DIP2B: variants seen among roughly 807,000 people sequenced by gnomAD.
DIP2B encodes the protein disco-interacting protein 2 homolog B.
A neutral mutation model predicts 198.0 loss-of-function variants in DIP2B; 76 were observed. That is an observed-to-expected ratio of 0.38 (90% CI 0.32 to 0.46). DIP2B has a LOEUF of 0.46. DIP2B is among the 20% of genes least tolerant of loss of function. The probability of loss-of-function intolerance (pLI) is 0.99; values close to 1 mark genes in which losing one functional copy is unlikely to be tolerated. For synonymous variants in DIP2B, 701 were observed against 739.1 expected, an observed-to-expected ratio of 0.95 and a Z score of 0.84; for missense variants, 1,559 against 1,978.4, an observed-to-expected ratio of 0.79 and a Z score of 4.02.
chr12:50,601,792 T>A (rs1311656400), intron 1 of DIP2B, among the ~76,000 whole-genome samples: 1 of 152,252 alleles, frequency 6.6e-6, no homozygotes, highest in East Asian at 1.9e-4. Flanking sequence ...GGCTTTGTAT[T>A]TAACCTGTTG....
chr12:50,551,867 A>G (rs947078444), intron 1 of DIP2B, among the ~76,000 whole-genome samples: 7 of 152,232 alleles, frequency 4.6e-5, no homozygotes, highest in African/African-American at 1.2e-4. Context: ...TAGTACTACT[A>G]TAAATGTGGG....
At position 50,672,216 on chromosome 12, in the gene DIP2B, TA is replaced by T. The variant is rs1231112263; in HGVS notation, c.640+825del. 2.0e-5 allele frequency among the ~76,000 whole-genome samples: 3 copies of T among 152,136 alleles called. No individual in the cohort carries two copies. In the East Asian group the frequency reaches 5.8e-4, roughly 29 times the overall value. ...TATCTTTATTCTGTTAACTGATTTCTAAAAAAAGAAAAACTTGGAAAAATTT... is the reference window on the plus strand; with the variant it reads ...TATCTTTATTCTGTTAACTGATTTCTAAAAAAGAAAAACTTGGAAAAATTT... On this transcript the variant is annotated intron_variant, in intron 5 of 37. Transcript: ENST00000301180.
intron 26 of DIP2B, among the ~76,000 whole-genome samples, 196 bp from the exon 27 acceptor site, chr12:50,723,003 ATTG>A (rs1411423989): frequency 6.6e-6 from 1 of 151,792 alleles, no homozygotes; most frequent in Admixed American, 6.6e-5. Flanking sequence ...TTTTTTGTTA[ATTG>A]TTTTCTCTAT....
intron 23 of DIP2B, among the ~76,000 whole-genome samples, chr12:50,716,958 C>CTTTCTTTTT (rs1939731976): frequency 1.7e-5 from 1 of 58,924 alleles, no homozygotes; most frequent in African/African-American, 6.2e-5. Context: ...CGAATTGTTG[C>CTTTCTTTTT]TTTTTTTTTT....
intron 1 of DIP2B, among the ~76,000 whole-genome samples, chr12:50,572,244 C>A (rs1958621157): frequency 6.6e-6 from 1 of 152,056 alleles, no homozygotes; most frequent in Non-Finnish European, 1.5e-5. Flanking sequence ...AAATATTATC[C>A]CCAGACTAAG....
chr12:50,709,858 G>T (rs1158963214), intron 22 of DIP2B, among the ~76,000 whole-genome samples: 1 of 152,048 alleles, frequency 6.6e-6, no homozygotes, highest in Non-Finnish European at 1.5e-5. Context: ...GGCACCAGTA[G>T]CCCCAGCTAC....
chr12:50,511,546 G>GTC (rs1958017075), intron 1 of DIP2B, among the ~76,000 whole-genome samples: 1 of 150,022 alleles, frequency 6.7e-6, no homozygotes, highest in South Asian at 2.1e-4. Flanking sequence ...ACCTGCCTTG[G>GTC]TCTCCCAAAG....
Position 50,724,967 on chromosome 12 carries a change from T to C in DIP2B, c.3400+81T>C, listed in dbSNP as rs1204623854. The C allele has an allele frequency of 1.4e-5, 19 of 1,385,126 alleles. No individual in the cohort carries two copies. The African/African-American group carries it at 2.3e-4, about 17-fold the overall frequency. The allele number at this position is 1,385,126 out of a possible 1,614,324, so 85.8% of individuals were successfully genotyped here. A position where few individuals can be genotyped will look rare whatever the true frequency, so the allele number is the denominator to read the frequency against. ...ATCTCCTCCATTCTCATGCCAGACG[T>C]GTTTACCCTGCCTTTATGTCTTCTG... On this transcript the variant is annotated intron_variant, in intron 28 of 37. Transcript: ENST00000301180.
intron 1 of DIP2B, among the ~76,000 whole-genome samples, chr12:50,550,481 A>G (rs1380183766): frequency 6.6e-6 from 1 of 152,238 alleles, no homozygotes; most frequent in Non-Finnish European, 1.5e-5. Flanking sequence ...TAATAGCTCT[A>G]TAAAAGTTTT....
chr12:50,660,217 G>A lies in DIP2B; in HGVS notation c.325G>A (p.Ala109Thr). The A allele has an allele frequency of 6.2e-7, 1 of 1,612,024 alleles. No individual in the cohort carries two copies. Among genetic ancestry groups the A allele is most frequent in the Non-Finnish European group, 8.5e-7 (1 of 1,179,170 alleles). ...RSDIHTEAVQ[A>T]ALAKHKEQKM... is the part of the protein sequence containing the mutation. ...AGATATCCACACAGAAGCAGTTCAGGCTGCACTGGCAAAGCATAAAGAACA... is the reference window on the plus strand; with the variant it reads ...AGATATCCACACAGAAGCAGTTCAGACTGCACTGGCAAAGCATAAAGAACA... Residue 109 changes from alanine to threonine, a missense_variant, in exon 4 of 38, where the codon GCT becomes ACT. Physicochemically the swap from Ala to Thr is moderately conservative, Grantham distance 58. Transcript: ENST00000301180.
intron 1 of DIP2B, among the ~76,000 whole-genome samples, chr12:50,617,225 G>A (rs903556667): frequency 2.7e-5 from 4 of 150,542 alleles, no homozygotes; most frequent in South Asian, 2.1e-4. Context: ...GCGCGATCTC[G>A]GCTCACTGCA....
rs1329866056 is a variant in DIP2B at position 50,671,122 on chromosome 12, C to T, written c.428-64C>T. ...CGAAACTGAATGTGTGATCAATGAG[C>T]AAGAACTGAAAAGTCTCTGTTCTAG... On this transcript the variant is annotated intron_variant, in intron 4 of 37. Transcript: ENST00000301180. The T allele has an allele frequency of 2.6e-6, 4 of 1,515,714 alleles. No individual in the cohort carries two copies. The South Asian group carries it at 4.7e-5, about 18-fold the overall frequency. 93.9% of individuals were successfully genotyped at this position (1,515,714 alleles called of 1,614,324 possible).
Position 50,724,808 on chromosome 12 carries a change from A to AC in DIP2B, c.3325dup (p.Leu1109ProfsTer24). The stretch of plus-strand genomic sequence containing the variant: ...AGCAGCCTGTATTCTCACCAGTCAG[A>AC]CCCTAATGAGGCTACTGAGGTCCCG... On this transcript the variant is annotated frameshift_variant, in exon 28 of 38. Transcript: ENST00000301180. LOFTEE classifies it high-confidence loss of function. 6.2e-7 allele frequency: 1 copy of AC among 1,614,112 alleles called. No individual in the cohort carries two copies. The highest frequency in any genetic ancestry group is 8.5e-7 in the Non-Finnish European group (1 of 1,180,014).
chr12:50,708,554 G>A lies in DIP2B; in HGVS notation c.2641G>A (p.Val881Met), dbSNP rs746963040. 1.2e-5 allele frequency: 19 copies of A among 1,587,228 alleles called. No individual in the cohort carries two copies. Among genetic ancestry groups the A allele is most frequent in the African/African-American group, 5.4e-5 (4 of 74,582 alleles). ...AGATAGTTTCCAGTGGATGAGCCGC[G>A]TGCTGCAGGTGAGCACACTTTGGGG... Reference protein sequence around the residue: ...EEDSFQWMSRVLQAIDSIHQV... With the variant: ...EEDSFQWMSRMLQAIDSIHQV... The change falls in exon 22 of 38, where the codon GTG becomes ATG. Residue 881 changes from valine to methionine, a missense_variant. Transcript: ENST00000301180.
rs1397703590 is a variant in DIP2B, at chr12:50,706,046, T to A, written c.2407-492T>A. The stretch of plus-strand genomic sequence containing the variant: ...AGGCACCTACAGCATTCCTTAGACC[T>A]TTCTTTATTAGCCTATTTCTAATAC... On this transcript the variant is annotated intron_variant, in intron 20 of 37. Transcript: ENST00000301180. 2.6e-5 allele frequency among the ~76,000 whole-genome samples: 4 copies of A among 152,214 alleles called. No homozygotes were observed. The East Asian group carries it at 7.7e-4, about 29-fold the overall frequency.
rs141068217 is a variant in DIP2B at position 50,640,407 on chromosome 12, AG to A, written c.173-315del. ...CAAGCTATTCGTTGTCTCACTGTTT[AG>A]GATTGGGGATCATATGCAGTCAACT... is the stretch of plus-strand genomic sequence containing the variant. On this transcript the variant is annotated intron_variant, in intron 2 of 37. Transcript: ENST00000301180. Among the ~76,000 whole-genome samples the A allele has an allele frequency of 8.6e-3, 1,312 of 152,290 alleles. 24 individuals are homozygous for A. The highest frequency in any genetic ancestry group is 0.03 in the African/African-American group (1,248 of 41,548).
intron 1 of DIP2B, among the ~76,000 whole-genome samples, chr12:50,546,138 TA>T (rs1439585183): frequency 2.0e-5 from 3 of 152,218 alleles, no homozygotes; most frequent in African/African-American, 7.2e-5. Flanking sequence ...CTTCTTCACA[TA>T]AGATGGAGAC....
chr12:50,740,027 C>A (rs779158707), intron 36 of DIP2B, among the ~76,000 whole-genome samples: 1 of 152,194 alleles, frequency 6.6e-6, no homozygotes, highest in Admixed American at 6.5e-5. Context: ...CAGTGTCTTG[C>A]GTTGGACACA....
At chr12:50,507,681 G>A (rs115994714) in intron 1 of DIP2B, among the ~76,000 whole-genome samples, 302 of 152,252 alleles carry the variant, frequency 2.0e-3, no homozygotes, top group African/African-American at 7.0e-3. Context: ...ACAGGCAAGC[G>A]CCACTACTGC....
Sources: allele counts gnomAD v4.1 joint callset (sites outside exome capture counted in the v4.1 genomes callset), GRCh38; gene constraint gnomAD v4.1.1; transcripts MANE v1.5; gene names NCBI Gene and HGNC (gene_info 2026-07-23, HGNC 2026-07-21).